Variants in GRAMD1A observed in about 807,000 individuals in gnomAD.
GRAMD1A encodes the protein protein Aster-A.
GRAMD1A carries 50 observed loss-of-function variants against 92.0 expected under a neutral mutation model. That is an observed-to-expected ratio of 0.54 (90% CI 0.43 to 0.69). The LOEUF (loss-of-function observed/expected upper bound fraction) is 0.69. Ranked by LOEUF, GRAMD1A falls within the 30% of genes least tolerant of loss-of-function variation. The pLI, the probability that GRAMD1A is intolerant of heterozygous loss-of-function variation, is 0.00. For synonymous variants in GRAMD1A, 405 were observed against 403.6 expected, an observed-to-expected ratio of 1.00 and a Z score of -0.04; for missense variants, 819 against 978.9, an observed-to-expected ratio of 0.84 and a Z score of 2.18.
rs1317536882 is a variant in GRAMD1A at position 35,011,471 on chromosome 19, C to T, written c.526-3C>T. On this transcript the variant is annotated splice_polypyrimidine_tract_variant and splice_region_variant and intron_variant, in intron 6 of 19. Coordinates refer to ENST00000317991, the MANE Select transcript of GRAMD1A (RefSeq NM_020895.5). ...CACCTCTCTCTCTCTCTCTCCCTGA[C>T]AGCATTTCTTCACTTCCTTTGGGGC... 45 of 1,606,980 alleles carry T rather than the reference C, an allele frequency of 2.8e-5. No individual in the cohort carries two copies. Among genetic ancestry groups the T allele is most frequent in the Non-Finnish European group, 3.8e-5 (45 of 1,176,930 alleles).
intron 13 of GRAMD1A, 101 bp downstream of exon 13, chr19:35,019,634 G>A (rs2015905552): frequency 8.4e-7 from 1 of 1,197,122 alleles, no homozygotes; most frequent in East Asian, 2.3e-5. Context: ...CACCCTGGTG[G>A]AGGAACAGAA....
At chr19:35,017,789 A>G (rs1281164303) in intron 11 of GRAMD1A, among the ~76,000 whole-genome samples, 1 of 151,862 alleles carries the variant, frequency 6.6e-6, no homozygotes, top group African/African-American at 2.4e-5. Flanking sequence ...AGATACCCCC[A>G]GATACTCACA....
At chr19:35,025,805 A>G (rs938973865) in intron 19 of GRAMD1A, among the ~76,000 whole-genome samples, 6 of 152,196 alleles carry the variant, frequency 3.9e-5, no homozygotes, top group Non-Finnish European at 4.4e-5. Context: ...GGTAACAAGC[A>G]GCAGAGCCAG....
At chr19:35,022,993 C>T (rs2016181663) in intron 17 of GRAMD1A, 82 bp downstream of exon 17, 7 of 1,115,996 alleles carry the variant, frequency 6.3e-6, no homozygotes, top group Non-Finnish European at 9.2e-6. Context: ...CCCATGCCCC[C>T]CAGCTCCCCC....
Position 35,010,350 on chromosome 19 carries a change from G to A in GRAMD1A, c.496G>A (p.Ala166Thr). The A allele has an allele frequency of 6.2e-7, 1 of 1,613,490 alleles. No individual in the cohort carries two copies. The highest frequency in any genetic ancestry group is 8.5e-7 in the Non-Finnish European group (1 of 1,179,402). ...KEKTAKLIPN[A>T]IQICTESEKH... is the part of the protein sequence containing the mutation. ...AAAGACGGCCAAGCTGATCCCCAAC[G>A]CCATCCAGATCTGCACGGAGAGCGA... Residue 166 changes from alanine (A) to threonine (T), a missense_variant, in exon 6 of 20, where the codon GCC (alanine) becomes ACC (threonine). Transcript: ENST00000317991.
Position 35,009,144 on chromosome 19 carries a change from A to T in GRAMD1A, c.34A>T (p.Thr12Ser). The part of the protein sequence containing the change: ...FDTTPHSGRS[T>S]PSSSPSLRKR... The stretch of plus-strand genomic sequence containing the variant: ...CACCACACCCCACTCTGGCCGGAGC[A>T]CGCCAAGCAGCTCCCCATCGCTCCG... The change falls in exon 2 of 20, where the codon ACG (threonine) becomes TCG (serine). Residue 12 changes from threonine to serine, a missense_variant. Thr to Ser is a moderately conservative substitution (Grantham distance 58). This residue lies in a region of GRAMD1A where 98 missense variants were observed against 84.0 expected (regional missense o/e 1.17). Transcript: ENST00000317991. The T allele has an allele frequency of 6.2e-7, 1 of 1,613,406 alleles. No homozygotes were observed. Among genetic ancestry groups the T allele is most frequent in the Non-Finnish European group, 8.5e-7 (1 of 1,179,490 alleles).
At chr19:35,014,761 C>T (rs1382564795) in intron 10 of GRAMD1A, 4 of 254,976 alleles carry the variant, frequency 1.6e-5, no homozygotes, top group African/African-American at 8.8e-5. Context: ...TGTGATGGCT[C>T]ACACCTGTAA....
chr19:35,000,376 C>G lies in GRAMD1A; in HGVS notation c.-103C>G, dbSNP rs2014252819. ...GGGCGGCGGCCGCGGAAGGCCAGGC[C>G]GGTGCCCTGCGGGGACGCCCAGCGC... is the stretch of plus-strand genomic sequence containing the variant. On this transcript the variant is annotated 5_prime_UTR_variant, in exon 1 of 20. Transcript: ENST00000317991. This position sits in a 1 kb window ranked among gnomAD's most constrained non-coding sequence, Gnocchi z 4.9. The G allele has an allele frequency of 2.6e-6, 3 of 1,133,330 alleles. No individual in the cohort carries two copies. Among genetic ancestry groups the G allele is most frequent in the Admixed American group, 9.7e-5 (2 of 20,542 alleles). 70.2% of individuals were successfully genotyped at this position (1,133,330 alleles called of 1,614,324 possible).
rs368287176 is a variant in GRAMD1A at position 35,026,093 on chromosome 19, A to G, written c.2127A>G (p.Ser709=). The G allele has an allele frequency of 4.7e-5, 76 of 1,606,994 alleles. No individual in the cohort carries two copies. The African/African-American group carries it at 9.9e-4, about 21-fold the overall frequency. ...LEKLHQGITV[S]DPPFDTQPRP... is the part of the protein sequence containing the mutation. ...AGCTGCACCAAGGCATCACAGTCTC[A>G]GACCCTCCCTTTGACACCCAGCCCC... is the stretch of plus-strand genomic sequence containing the variant. Residue 709 remains serine, a synonymous_variant, in exon 20 of 20, where the codon TCA becomes TCG. Coordinates refer to ENST00000317991, the MANE Select transcript of GRAMD1A (RefSeq NM_020895.5).
chr19:35,015,955 T>G lies in GRAMD1A; in HGVS notation c.1201T>G (p.Cys401Gly). 3 of 1,613,442 alleles carry G rather than the reference T, an allele frequency of 1.9e-6. No individual in the cohort carries two copies. Among genetic ancestry groups the G allele is most frequent in the Non-Finnish European group, 2.5e-6 (3 of 1,179,680 alleles). Residue 401 changes from cysteine (C) to glycine (G), a missense_variant, in exon 11 of 20, where the codon TGC becomes GGC. This residue lies in a region of GRAMD1A where 577 missense variants were observed against 674.6 expected (regional missense o/e 0.86). Transcript: ENST00000317991. ...CTTCCTCCAGGGCTTCCTACAGCAG[T>G]GCAAGTTCACAGGTCAGCGGGCGCA... ...SPFLQGFLQQCKFTDVTLSPW... is the reference protein window; with the variant it reads ...SPFLQGFLQQGKFTDVTLSPW...
chr19:35,010,459 G>A (rs570711580), intron 6 of GRAMD1A, 80 bp downstream of exon 6: 2 of 926,832 alleles, frequency 2.2e-6, no homozygotes, highest in Non-Finnish European at 1.8e-6. Flanking sequence ...AGCCCCATTT[G>A]TTCTGCACCC....
At chr19:35,000,284 G>A, upstream of GRAMD1A, 1 of 1,032,862 alleles carries the variant, frequency 9.7e-7, no homozygotes, top group Non-Finnish European at 1.2e-6. This position sits in a 1 kb window ranked among gnomAD's most constrained non-coding sequence, Gnocchi z 4.9. Flanking sequence ...GAAGGAAGGG[G>A]GTGTCGCTGA....
chr19:35,016,904 C>CAAAAAA (rs553636601), intron 11 of GRAMD1A, among the ~76,000 whole-genome samples: 19 of 68,450 alleles, frequency 2.8e-4, no homozygotes, highest in African/African-American at 9.4e-4. Flanking sequence ...GACTCTGTCT[C>CAAAAAA]AAAAAAAAAA....
intron 10 of GRAMD1A, 158 bp downstream of exon 10, chr19:35,014,545 T>G: frequency 1.5e-6 from 1 of 670,482 alleles, no homozygotes; most frequent in Non-Finnish European, 2.6e-6. Flanking sequence ...TTACTCTGTT[T>G]TGAAGGCAGC....
At chr19:35,025,313 G>A (rs1211948431) in intron 19 of GRAMD1A, 1 of 152,280 alleles carries the variant, frequency 6.6e-6, no homozygotes, top group Non-Finnish European at 1.5e-5. Context: ...AGGCTGGCGT[G>A]CAGTGGTGCG....
upstream of GRAMD1A, chr19:35,000,001 C>G: frequency 5.1e-6 from 5 of 984,560 alleles, no homozygotes; most frequent in Non-Finnish European, 6.0e-6. The surrounding 1 kb of genome is among the most constrained non-coding windows in gnomAD (Gnocchi z 4.9). Flanking sequence ...CCTGGGAGGT[C>G]CAGGAGCTTC....
At chr19:35,018,036 G>A (rs920089147) in intron 11 of GRAMD1A, among the ~76,000 whole-genome samples, 1 of 151,878 alleles carries the variant, frequency 6.6e-6, no homozygotes, top group Non-Finnish European at 1.5e-5. Context: ...CGCCCCAGCT[G>A]GAATGCAGTG....
rs1409508416 is a variant in GRAMD1A at position 35,013,642 on chromosome 19, G to A, written c.821G>A (p.Gly274Asp). ...CCAAGCCCAGTGGGTTCGCGCCGTG[G>A]CCATGTCACGCCCAACCTTTCCCGA... Reference protein sequence around the residue: ...QEPSPVGSRRGHVTPNLSRAS... With the variant: ...QEPSPVGSRRDHVTPNLSRAS... Residue 274 changes from glycine (G) to aspartate (D), a missense_variant, in exon 9 of 20, where the codon GGC becomes GAC. Transcript: ENST00000317991. The surrounding 1 kb of genome is among the most constrained non-coding windows in gnomAD (Gnocchi z 4.9). 4 of 1,613,272 alleles carry A rather than the reference G, an allele frequency of 2.5e-6. No individual in the cohort carries two copies. The South Asian group carries it at 4.4e-5, about 18-fold the overall frequency.
intron 1 of GRAMD1A, among the ~76,000 whole-genome samples, chr19:35,003,871 A>G (rs1470202505): frequency 3.9e-5 from 6 of 152,160 alleles, no homozygotes; most frequent in Admixed American, 6.5e-5. Context: ...CCTTTGCCAC[A>G]TGTGTTCTTT....
Sources: gnomAD v4.1 joint callset for allele counts (sites outside exome capture counted in the v4.1 genomes callset) on GRCh38, gnomAD v4.1.1 for gene constraint, gnomAD v4.1.1 regional missense constraint, Gnocchi (gnomAD v3.1) non-coding constraint, MANE v1.5 for transcripts, NCBI Gene and HGNC (gene_info 2026-07-23, HGNC 2026-07-21) for gene names.